ST6GALNAC5: variants seen among roughly 807,000 people sequenced by gnomAD.
ST6GALNAC5 encodes the protein alpha-N-acetylgalactosaminide alpha-2,6-sialyltransferase 5.
In ST6GALNAC5, 27 loss-of-function variants were observed where a neutral mutation model predicts 33.6. That is an observed-to-expected ratio of 0.80 (90% confidence interval 0.59 to 1.11). The LOEUF (loss-of-function observed/expected upper bound fraction) is 1.11. Among genes scored for constraint, ST6GALNAC5 ranks in the 50% least tolerant of loss-of-function variants. The pLI is 0.00. For missense variants in ST6GALNAC5, 428 were observed against 454.0 expected, an observed-to-expected ratio of 0.94 and a Z score of 0.52; for synonymous variants, 194 against 171.2, an observed-to-expected ratio of 1.13 and a Z score of -1.04.
chr1:76,936,505 T>C (rs1647204671), intron 2 of ST6GALNAC5, among the ~76,000 whole-genome samples: 1 of 152,030 alleles, frequency 6.6e-6, no homozygotes, highest in African/African-American at 2.4e-5. Context: ...TAATGGCCAG[T>C]GTGAATGAGC....
chr1:77,032,849 T>C (rs1651509236), intron 2 of ST6GALNAC5, among the ~76,000 whole-genome samples: 7 of 152,228 alleles, frequency 4.6e-5, no homozygotes, highest in Admixed American at 4.6e-4. Context: ...TTCTTTTGCA[T>C]TTGACCATTA....
intron 2 of ST6GALNAC5, among the ~76,000 whole-genome samples, chr1:76,916,173 A>T (rs1646972523): frequency 6.6e-6 from 1 of 152,070 alleles, no homozygotes; most frequent in African/African-American, 2.4e-5. Flanking sequence ...GGTTCTCTTA[A>T]GTGTTTCTGA....
chr1:77,019,074 G>T (rs1254480469), intron 2 of ST6GALNAC5, among the ~76,000 whole-genome samples: 1 of 152,202 alleles, frequency 6.6e-6, no homozygotes, highest in Non-Finnish European at 1.5e-5. Flanking sequence ...AAGGGAAAAA[G>T]ATTCTATCTT....
chr1:77,054,708 A>T (rs1051676658), intron 4 of ST6GALNAC5, among the ~76,000 whole-genome samples: 11 of 152,054 alleles, frequency 7.2e-5, no homozygotes, highest in African/African-American at 2.7e-4. Context: ...CCCCAAGGGG[A>T]AGTGTAGGTA....
chr1:77,004,282 A>G (rs1265263854), intron 2 of ST6GALNAC5, among the ~76,000 whole-genome samples: 39 of 150,322 alleles, frequency 2.6e-4, no homozygotes, highest in East Asian at 9.9e-4. Flanking sequence ...AGTTGATCGC[A>G]TCAGCTCCTG....
In ST6GALNAC5 at chr1:76,939,267, G is replaced by A. The variant is rs117806998; in HGVS notation, c.261+70525G>A. Among the ~76,000 whole-genome samples, 66 of 152,208 alleles carry A rather than the reference G, an allele frequency of 4.3e-4. No homozygotes were observed. In the East Asian group the frequency reaches 0.011, roughly 26 times the overall value. The stretch of plus-strand genomic sequence containing the variant: ...GCATTAACAAGGAGCCAGTTCTGGC[G>A]ATAGGAAAGCGAAACAACATTATTG... On this transcript the variant is annotated intron_variant, in intron 2 of 4. Coordinates refer to ENST00000477717, the MANE Select transcript of ST6GALNAC5 (RefSeq NM_030965.3).
intron 2 of ST6GALNAC5, among the ~76,000 whole-genome samples, chr1:77,012,884 G>T (rs1044632137): frequency 6.6e-6 from 1 of 152,174 alleles, no homozygotes; most frequent in Non-Finnish European, 1.5e-5. Flanking sequence ...ACCAGCAACA[G>T]CTTAATGTGG....
chr1:76,942,650 A>G (rs538621993), intron 2 of ST6GALNAC5, among the ~76,000 whole-genome samples: 82 of 152,210 alleles, frequency 5.4e-4, no homozygotes, highest in African/African-American at 1.9e-3. Context: ...GTGTTGCCCA[A>G]GATCTCTTCA....
chr1:76,899,524 C>T (rs571568752), intron 2 of ST6GALNAC5, among the ~76,000 whole-genome samples: 3 of 152,246 alleles, frequency 2.0e-5, no homozygotes, highest in South Asian at 2.1e-4. Context: ...CGGGACTTGC[C>T]GCTAAGGGTG....
chr1:77,000,689 C>T (rs1382722422), intron 2 of ST6GALNAC5, among the ~76,000 whole-genome samples: 2 of 150,296 alleles, frequency 1.3e-5, no homozygotes, highest in African/African-American at 4.9e-5. Context: ...GGAAGGGATC[C>T]AGTTTCAGCT....
intron 2 of ST6GALNAC5, among the ~76,000 whole-genome samples, chr1:76,907,327 G>T (rs1373389646): frequency 6.6e-6 from 1 of 152,018 alleles, no homozygotes; most frequent in Non-Finnish European, 1.5e-5. Context: ...GAAGCCTCCT[G>T]TTCCTATTAT....
Position 77,063,685 on chromosome 1 carries a change from G to A in ST6GALNAC5, c.*479G>A, listed in dbSNP as rs1317930204. 1 of 157,810 alleles carries A rather than the reference G, an allele frequency of 6.3e-6. No individual in the cohort carries two copies. The highest frequency in any genetic ancestry group is 2.4e-5 in the African/African-American group (1 of 41,504). 9.8% of individuals were successfully genotyped at this position (157,810 alleles called of 1,614,324 possible). A position where few individuals can be genotyped will look rare whatever the true frequency, so the allele number is the denominator to read the frequency against. ...TGAAACTATGGACATGATTTCTGAAGAGCACATCTCCACTGACTTTCATAA... is the reference window on the plus strand; with the variant it reads ...TGAAACTATGGACATGATTTCTGAAAAGCACATCTCCACTGACTTTCATAA... On this transcript the variant is annotated 3_prime_UTR_variant, in exon 5 of 5. Transcript: ENST00000477717.
intron 2 of ST6GALNAC5, among the ~76,000 whole-genome samples, chr1:76,877,455 C>T (rs1653673050): frequency 6.6e-6 from 1 of 152,146 alleles, no homozygotes; most frequent in African/African-American, 2.4e-5. Context: ...AATGTGTTGC[C>T]TCCAAAATCT....
chr1:77,012,530 T>G (rs1232104829), intron 2 of ST6GALNAC5, among the ~76,000 whole-genome samples: 2 of 152,100 alleles, frequency 1.3e-5, no homozygotes, highest in Non-Finnish European at 2.9e-5. Context: ...AATCTCCACT[T>G]GAAAGCTAGA....
At chr1:76,942,155 T>G (rs1486364530) in intron 2 of ST6GALNAC5, among the ~76,000 whole-genome samples, 7 of 152,124 alleles carry the variant, frequency 4.6e-5, no homozygotes, top group Non-Finnish European at 1.0e-4. Context: ...CTTCCATTTA[T>G]TCCCTCTTCT....
chr1:76,997,819 C>A (rs766696473), intron 2 of ST6GALNAC5, among the ~76,000 whole-genome samples: 1 of 152,108 alleles, frequency 6.6e-6, no homozygotes, highest in Admixed American at 6.6e-5. Context: ...AGCAACATAG[C>A]GAGACCCCAT....
intron 2 of ST6GALNAC5, among the ~76,000 whole-genome samples, chr1:76,988,499 G>A (rs1649597143): frequency 6.6e-6 from 1 of 151,838 alleles, no homozygotes; most frequent in Non-Finnish European, 1.5e-5. Context: ...TTATAACTGT[G>A]AATATTATTA....
intron 2 of ST6GALNAC5, among the ~76,000 whole-genome samples, chr1:76,922,705 A>G (rs1189871362): frequency 1.3e-5 from 2 of 152,120 alleles, no homozygotes; most frequent in African/African-American, 4.8e-5. Flanking sequence ...GATTTTTGAC[A>G]ATGGTGCAAA....
chr1:76,966,813 T>C (rs937773815), intron 2 of ST6GALNAC5, among the ~76,000 whole-genome samples: 1 of 152,236 alleles, frequency 6.6e-6, no homozygotes, highest in African/African-American at 2.4e-5. Context: ...ATGAAGGCTG[T>C]TGAATTTTAT....
Sources: gnomAD v4.1 joint callset for allele counts (sites outside exome capture counted in the v4.1 genomes callset) on GRCh38, gnomAD v4.1.1 for gene constraint, MANE v1.5 for transcripts, NCBI Gene and HGNC (gene_info 2026-07-23, HGNC 2026-07-21) for gene names.